TRAPPC9: variants seen among roughly 807,000 people sequenced by gnomAD.
TRAPPC9 encodes the protein IKK2 binding protein.
TRAPPC9 carries 83 observed loss-of-function variants against 124.0 expected under a neutral mutation model. That is an observed-to-expected ratio of 0.67 (90% confidence interval 0.56 to 0.80). TRAPPC9 has a LOEUF of 0.80. Ranked by LOEUF, TRAPPC9 falls within the 30% of genes least tolerant of loss-of-function variation. The pLI, the probability that TRAPPC9 is intolerant of heterozygous loss-of-function variation, is 0.00. For missense variants in TRAPPC9, 1,302 were observed against 1,508.3 expected, an observed-to-expected ratio of 0.86 and a Z score of 2.27; for synonymous variants, 638 against 617.5, an observed-to-expected ratio of 1.03 and a Z score of -0.49.
intron 17 of TRAPPC9, among the ~76,000 whole-genome samples, chr8:140,215,344 G>C (rs2063164723): frequency 6.6e-6 from 1 of 152,112 alleles, no homozygotes; most frequent in African/African-American, 2.4e-5. Flanking sequence ...ATTATTAGAA[G>C]AGACACAGAG....
At position 140,233,836 on chromosome 8, in the gene TRAPPC9, T is replaced by C. The variant is rs1386793130; in HGVS notation, c.2432-12253A>G. Among the ~76,000 whole-genome samples the C allele has an allele frequency of 4.0e-5, 6 of 151,768 alleles. No homozygotes were observed. The East Asian group carries it at 9.7e-4, about 24-fold the overall frequency. ...CCTTCTGTAAATCTTACCTCAGTAA[T>C]TATTCCCAGAGAAAGCCTTCCCAGC... On this transcript the variant is annotated intron_variant, in intron 16 of 22. Transcript: ENST00000438773.
rs574908324 is a variant in TRAPPC9 at position 139,731,070 on chromosome 8, C to T, written c.3438G>A (p.Ala1146=). Residue 1146 remains alanine (A), a synonymous_variant, in exon 23 of 23, where the codon GCG becomes GCA. Transcript: ENST00000438773. ...LPSVHVCALE[A]QA is the part of the protein sequence containing the mutation. ...ACGGAAGTAGGCGGGCTCAGGCCTG[C>T]GCCTCCAGGGCACACACGTGCACAC... 162 of 1,612,570 alleles carry T rather than the reference C, an allele frequency of 1.0e-4. No homozygotes were observed. In the Middle Eastern group the frequency reaches 1.1e-3, roughly 11 times the overall value.
intron 15 of TRAPPC9, among the ~76,000 whole-genome samples, chr8:140,264,921 T>C (rs532601755): frequency 6.6e-6 from 1 of 152,126 alleles, no homozygotes; most frequent in East Asian, 1.9e-4. Flanking sequence ...TCCTGGTAAG[T>C]ATCCAGACGA....
At chr8:139,879,652 C>T (rs972723862) in intron 21 of TRAPPC9, among the ~76,000 whole-genome samples, 17 of 152,212 alleles carry the variant, frequency 1.1e-4, no homozygotes, top group Admixed American at 5.2e-4. Flanking sequence ...CCCAGGCCTC[C>T]CCTGTGTTGG....
intron 9 of TRAPPC9, among the ~76,000 whole-genome samples, chr8:140,350,682 G>A (rs756526705): frequency 1.6e-4 from 25 of 152,230 alleles, no homozygotes; most frequent in South Asian, 6.3e-4. Context: ...GAAGCGCACC[G>A]TTCAAGATCG....
chr8:139,892,088 A>G (rs1830388956), intron 20 of TRAPPC9, among the ~76,000 whole-genome samples: 1 of 152,178 alleles, frequency 6.6e-6, no homozygotes, highest in Non-Finnish European at 1.5e-5. Context: ...GCACATACCC[A>G]TACATGGGCC....
chr8:139,772,152 A>T (rs1429936012), intron 21 of TRAPPC9, among the ~76,000 whole-genome samples: 1 of 152,212 alleles, frequency 6.6e-6, no homozygotes, highest in Non-Finnish European at 1.5e-5. Flanking sequence ...ATGGAAGGTG[A>T]TCATTAAGCC....
intron 17 of TRAPPC9, among the ~76,000 whole-genome samples, chr8:140,088,982 G>A (rs890389374): frequency 1.3e-5 from 2 of 152,188 alleles, no homozygotes; most frequent in Non-Finnish European, 2.9e-5. Flanking sequence ...CGATTTCTGG[G>A]TAGTAAGGTT....
intron 17 of TRAPPC9, among the ~76,000 whole-genome samples, chr8:140,060,150 C>T (rs939374482): frequency 6.6e-6 from 1 of 152,202 alleles, no homozygotes; most frequent in East Asian, 1.9e-4. Flanking sequence ...CTTTCTGATG[C>T]CTGTTTTCCA....
At chr8:140,375,518 G>C (rs965503904) in intron 7 of TRAPPC9, among the ~76,000 whole-genome samples, 2 of 152,204 alleles carry the variant, frequency 1.3e-5, no homozygotes, top group Non-Finnish European at 2.9e-5. Flanking sequence ...TGGCAGGATG[G>C]AGAGGGAGGA....
At chr8:140,066,477 A>G (rs1177083027) in intron 17 of TRAPPC9, among the ~76,000 whole-genome samples, 1 of 152,202 alleles carries the variant, frequency 6.6e-6, no homozygotes, top group Non-Finnish European at 1.5e-5. Context: ...AGTGCAGTGA[A>G]TTGAACTGAA....
chr8:140,255,554 G>A (rs537139222), intron 15 of TRAPPC9, among the ~76,000 whole-genome samples: 180 of 152,342 alleles, frequency 1.2e-3, no homozygotes, highest in Non-Finnish European at 2.0e-3. Context: ...CAACTTTAAC[G>A]ACAGTCTGAG....
intron 17 of TRAPPC9, among the ~76,000 whole-genome samples, chr8:140,175,062 T>C (rs558156057): frequency 6.6e-6 from 1 of 152,022 alleles, no homozygotes; most frequent in African/African-American, 2.4e-5. Context: ...TCTTTAGAAT[T>C]TAACAGACAA....
chr8:140,252,130 T>G lies in TRAPPC9; in HGVS notation c.2431+647A>C, dbSNP rs1023531086. 1.3e-5 allele frequency among the ~76,000 whole-genome samples: 2 copies of G among 152,128 alleles called. No homozygotes were observed. The highest frequency in any genetic ancestry group is 2.9e-5 in the Non-Finnish European group (2 of 68,008). On this transcript the variant is annotated intron_variant, in intron 16 of 22. Coordinates refer to ENST00000438773, the MANE Select transcript of TRAPPC9 (RefSeq NM_001160372.4). This position sits in a 1 kb window ranked among gnomAD's most constrained non-coding sequence, Gnocchi z 4.2. ...ACCTCCGCCTCCCAGGTTCAAGCGA[T>G]TCTCCTGCCCTCAGCCTCCTGAGTA... is the stretch of plus-strand genomic sequence containing the variant.
chr8:140,028,714 G>C (rs1419605865), intron 17 of TRAPPC9, among the ~76,000 whole-genome samples: 1 of 152,216 alleles, frequency 6.6e-6, no homozygotes, highest in East Asian at 1.9e-4. Context: ...TGGGGCACTC[G>C]AGTCTGGTAA....
rs770440531 is a variant in TRAPPC9, at chr8:139,910,164, C to T, written c.2947G>A (p.Gly983Ser). ...AAGGATATGATTCTCCAGCAGATGC[C>T]CAGCTTGCTGTGGATCTCCAGGCCT... is the stretch of plus-strand genomic sequence containing the variant. Reference protein sequence around the residue: ...ARGLEIHSKLGICWRIPSLKR... With the variant: ...ARGLEIHSKLSICWRIPSLKR... Residue 983 changes from glycine to serine, a missense_variant, in exon 20 of 23, where the codon GGC (glycine) becomes AGC (serine). Gly to Ser is a moderately conservative substitution (Grantham distance 56). Around this residue, in one of 3 missense-constraint regions of TRAPPC9, gnomAD observed 640 missense variants for 679.3 expected, o/e 0.94. Transcript: ENST00000438773. 1.7e-5 allele frequency: 28 copies of T among 1,613,880 alleles called. No homozygotes were observed. Among genetic ancestry groups the T allele is most frequent in the Middle Eastern group, 3.3e-4 (2 of 6,082 alleles).
At chr8:140,144,676 G>A (rs530642762) in intron 17 of TRAPPC9, among the ~76,000 whole-genome samples, 5 of 152,070 alleles carry the variant, frequency 3.3e-5, no homozygotes, top group East Asian at 1.9e-4. Context: ...AAGTAGAGAC[G>A]GGGTTTCACC....
At position 140,159,728 on chromosome 8, in the gene TRAPPC9, G is replaced by T. The variant is rs2061712553; in HGVS notation, c.2556+61731C>A. Among the ~76,000 whole-genome samples, 11 of 152,118 alleles carry T rather than the reference G, an allele frequency of 7.2e-5. No homozygotes were observed. In the South Asian group the frequency reaches 2.1e-3, roughly 29 times the overall value. ...ATTCTCAATCCTATTTCTGAAACAG[G>T]CCTTGTGTAAGGTGCCCACAGTGGT... On this transcript the variant is annotated intron_variant, in intron 17 of 22. Coordinates refer to ENST00000438773, the MANE Select transcript of TRAPPC9 (RefSeq NM_001160372.4).
intron 10 of TRAPPC9, among the ~76,000 whole-genome samples, chr8:140,305,921 G>A (rs749375905): frequency 2.0e-5 from 3 of 152,204 alleles, no homozygotes; most frequent in Non-Finnish European, 4.4e-5. Context: ...GCAGAATGCG[G>A]GATAGGAATA....
Sources: allele counts gnomAD v4.1 joint callset (sites outside exome capture counted in the v4.1 genomes callset), GRCh38; gene constraint gnomAD v4.1.1; regional missense constraint gnomAD v4.1.1; non-coding constraint Gnocchi (gnomAD v3.1); transcripts MANE v1.5; gene names NCBI Gene and HGNC (gene_info 2026-07-23, HGNC 2026-07-21).